FNIP1: variants seen among roughly 807,000 people sequenced by gnomAD.
The protein encoded by FNIP1 is folliculin-interacting protein 1.
FNIP1 carries 40 observed loss-of-function variants against 124.5 expected under a neutral mutation model. That is an observed-to-expected ratio of 0.32 (90% CI 0.25 to 0.42). The LOEUF is 0.42. Among genes scored for constraint, FNIP1 ranks in the 10% least tolerant of loss-of-function variants. FNIP1 has a pLI of 1.00. For synonymous variants in FNIP1, 472 were observed against 470.6 expected, an observed-to-expected ratio of 1.00 and a Z score of -0.04; for missense variants, 1,176 against 1,403.7, an observed-to-expected ratio of 0.84 and a Z score of 2.59.
At chr5:131,704,294 T>G (rs757656764) in intron 9 of FNIP1, 28 bp from the exon 10 acceptor site, 1 of 1,492,356 alleles carries the variant, frequency 6.7e-7, no homozygotes, top group African/African-American at 1.4e-5. Flanking sequence ...TTTTATTAAT[T>G]TACAAAAGTA....
Position 131,697,364 on chromosome 5 carries a change from A to C in FNIP1, c.1202+1553T>G, listed in dbSNP as rs567465735. 4.6e-5 allele frequency among the ~76,000 whole-genome samples: 7 copies of C among 152,260 alleles called. No homozygotes were observed. The South Asian group carries it at 8.3e-4, about 18-fold the overall frequency. On this transcript the variant is annotated intron_variant, in intron 11 of 17. Coordinates refer to ENST00000510461, the MANE Select transcript of FNIP1 (RefSeq NM_133372.3). ...AGTCTCGAACTCCTGAGCTCAAGCA[A>C]TCTAACCACCTTGGCCTCCCAAAGT...
chr5:131,763,413 T>C (rs1016066), intron 1 of FNIP1, among the ~76,000 whole-genome samples: 18,583 of 152,088 alleles, frequency 0.12, 2,832 homozygotes, highest in African/African-American at 0.36. Context: ...CCTGAGACTG[T>C]GTAATTAAAG....
chr5:131,712,814 G>A (rs1360912574), intron 6 of FNIP1, among the ~76,000 whole-genome samples: 3 of 152,154 alleles, frequency 2.0e-5, no homozygotes, highest in Admixed American at 6.5e-5. Flanking sequence ...GTTTGAGAAC[G>A]ACTGCTTGCA....
chr5:131,746,787 T>C (rs188182145), intron 1 of FNIP1, among the ~76,000 whole-genome samples: 8 of 152,336 alleles, frequency 5.3e-5, no homozygotes, highest in African/African-American at 1.7e-4. Context: ...TTTGGATATA[T>C]ACTCAGTAAT....
intron 2 of FNIP1, among the ~76,000 whole-genome samples, chr5:131,740,449 C>T (rs1770476562): frequency 6.6e-6 from 1 of 152,174 alleles, no homozygotes; most frequent in Non-Finnish European, 1.5e-5. Context: ...TACTGATGTA[C>T]AACTTTATCC....
At chr5:131,694,473 G>C (rs1252578798) in intron 11 of FNIP1, among the ~76,000 whole-genome samples, 1 of 152,172 alleles carries the variant, frequency 6.6e-6, no homozygotes, top group East Asian at 1.9e-4. Flanking sequence ...GACTGGCTAA[G>C]TGAAAGAAGC....
At chr5:131,706,898 T>C (rs1769131914) in intron 8 of FNIP1, among the ~76,000 whole-genome samples, 1 of 152,234 alleles carries the variant, frequency 6.6e-6, no homozygotes, top group Admixed American at 6.5e-5. Flanking sequence ...GGAAATCTGA[T>C]GCTATTCAAA....
chr5:131,787,096 CT>C (rs1772242262), intron 1 of FNIP1, among the ~76,000 whole-genome samples: 2 of 152,226 alleles, frequency 1.3e-5, no homozygotes, highest in African/African-American at 4.8e-5. Flanking sequence ...TCCAGATGTA[CT>C]ACCACAATCA....
chr5:131,756,502 A>G (rs1771056592), intron 1 of FNIP1, among the ~76,000 whole-genome samples: 1 of 152,162 alleles, frequency 6.6e-6, no homozygotes, highest in African/African-American at 2.4e-5. Flanking sequence ...TTCCAAGTTG[A>G]GGGGAAGGAA....
At chr5:131,754,631 C>T (rs1454694719) in intron 1 of FNIP1, among the ~76,000 whole-genome samples, 1 of 152,160 alleles carries the variant, frequency 6.6e-6, no homozygotes, top group Non-Finnish European at 1.5e-5. Context: ...TCTTAGTGAC[C>T]CTAGCTCAGA....
chr5:131,658,634 G>T (rs79254614), intron 15 of FNIP1, among the ~76,000 whole-genome samples: 2,498 of 151,976 alleles, frequency 0.016, 55 homozygotes, highest in African/African-American at 0.053. Context: ...AAAAAATTTT[G>T]CATTATATAA....
At chr5:131,767,917 G>A (rs1019249608) in intron 1 of FNIP1, among the ~76,000 whole-genome samples, 2 of 151,946 alleles carry the variant, frequency 1.3e-5, no homozygotes, top group African/African-American at 4.8e-5. Context: ...TATACTAAAT[G>A]TTGTAAGAAC....
intron 15 of FNIP1, among the ~76,000 whole-genome samples, chr5:131,667,613 T>C (rs529256515): frequency 1.3e-5 from 2 of 152,118 alleles, no homozygotes; most frequent in Non-Finnish European, 2.9e-5. Context: ...TTTGAAATGG[T>C]TGTCTTGCTC....
intron 1 of FNIP1, among the ~76,000 whole-genome samples, chr5:131,784,073 T>G (rs1772084304): frequency 6.6e-6 from 1 of 150,738 alleles, no homozygotes; most frequent in Non-Finnish European, 1.5e-5. Context: ...AAAGGAAGCC[T>G]CCTGACAACA....
At chr5:131,754,442 A>G (rs1255376889) in intron 1 of FNIP1, among the ~76,000 whole-genome samples, 1 of 152,260 alleles carries the variant, frequency 6.6e-6, no homozygotes, top group Non-Finnish European at 1.5e-5. Flanking sequence ...ACAGCTAGCT[A>G]GTAAATGTGT....
chr5:131,781,768 C>T (rs1417942044), intron 1 of FNIP1, among the ~76,000 whole-genome samples: 1 of 152,098 alleles, frequency 6.6e-6, no homozygotes, highest in East Asian at 1.9e-4. Context: ...CCTGCTAACA[C>T]AACATCCATT....
chr5:131,724,248 T>G (rs1769778373), intron 3 of FNIP1, among the ~76,000 whole-genome samples: 1 of 152,198 alleles, frequency 6.6e-6, no homozygotes, highest in Non-Finnish European at 1.5e-5. Flanking sequence ...CTGGGTCAAC[T>G]GGTATTTCTG....
At chr5:131,715,366 G>A (rs1251532094) in intron 6 of FNIP1, among the ~76,000 whole-genome samples, 1 of 152,036 alleles carries the variant, frequency 6.6e-6, no homozygotes. Flanking sequence ...CGTGCCTGCA[G>A]TCCCAGCTAC....
chr5:131,785,029 C>CT (rs11375547), intron 1 of FNIP1, among the ~76,000 whole-genome samples: 163 of 13,200 alleles, frequency 0.012, 7 homozygotes, highest in African/African-American at 0.022. Context: ...ATATATATGA[C>CT]ATATATATGA....
Sources: allele counts gnomAD v4.1 joint callset (sites outside exome capture counted in the v4.1 genomes callset), GRCh38; gene constraint gnomAD v4.1.1; transcripts MANE v1.5; gene names NCBI Gene and HGNC (gene_info 2026-07-23, HGNC 2026-07-21).